The following POT1 variants were observed in gnomAD, a reference collection of about 807,000 sequenced individuals.
POT1 encodes protection of telomeres 1, also known as protection of telomeres protein 1.
In POT1, 47 loss-of-function variants were observed where a neutral mutation model predicts 78.5. The observed-to-expected ratio is 0.60, with a 90% confidence interval of 0.47 to 0.76. The LOEUF (loss-of-function observed/expected upper bound fraction) is 0.76, where lower values mean the gene tolerates loss of function less well. Among genes scored for constraint, POT1 ranks in the 30% least tolerant of loss-of-function variants. The pLI is 0.00. For missense variants in POT1, 646 were observed against 749.9 expected, an observed-to-expected ratio of 0.86 and a Z score of 1.62; for synonymous variants, 259 against 260.7, an observed-to-expected ratio of 0.99 and a Z score of 0.06.
At chr7:124,880,488 C>A (rs910236370) in intron 6 of POT1, among the ~76,000 whole-genome samples, 23 of 152,020 alleles carry the variant, frequency 1.5e-4, no homozygotes, top group African/African-American at 5.6e-4. Flanking sequence ...GATGAACTGA[C>A]AAAGCTCAGT....
At chr7:124,844,087 T>G (rs1196386121) in intron 12 of POT1, among the ~76,000 whole-genome samples, 2 of 151,860 alleles carry the variant, frequency 1.3e-5, no homozygotes, top group African/African-American at 4.8e-5. Context: ...GAGTGGAACA[T>G]TTATTACAGT....
chr7:124,824,129 T>A (rs1794574664), intron 18 of POT1, 55 bp from the exon 19 acceptor site: 4 of 1,100,218 alleles, frequency 3.6e-6, no homozygotes, highest in South Asian at 2.9e-5. Context: ...AATAAATAAC[T>A]CTGAAATAGG....
chr7:124,825,403 C>G (rs1794606537), intron 17 of POT1, 46 bp from the exon 18 acceptor site: 1 of 1,184,210 alleles, frequency 8.4e-7, no homozygotes, highest in Admixed American at 1.9e-5. Context: ...TAATATTAAT[C>G]CTTTTTAATG....
chr7:124,835,486 C>A (rs971315405), intron 14 of POT1, 72 bp from the exon 15 acceptor site: 3 of 1,472,010 alleles, frequency 2.0e-6, no homozygotes, highest in Non-Finnish European at 2.8e-6. Context: ...TATTAAATAA[C>A]GTGTGAGGTA....
At chr7:124,898,871 T>G (rs1166957921) in intron 3 of POT1, among the ~76,000 whole-genome samples, 1 of 152,180 alleles carries the variant, frequency 6.6e-6, no homozygotes, top group Non-Finnish European at 1.5e-5. Context: ...CTACTTAGGT[T>G]TGTAACAGTA....
At chr7:124,883,763 T>C (rs1452498723) in intron 6 of POT1, among the ~76,000 whole-genome samples, 6 of 152,100 alleles carry the variant, frequency 3.9e-5, no homozygotes, top group Admixed American at 3.9e-4. Flanking sequence ...CACATGTGTA[T>C]GACTGCAAAA....
At chr7:124,860,603 A>G (rs1795567389) in intron 8 of POT1, among the ~76,000 whole-genome samples, 1 of 152,124 alleles carries the variant, frequency 6.6e-6, no homozygotes, top group South Asian at 2.1e-4. Flanking sequence ...AAAGGCTTTT[A>G]CTAATTCTTT....
intron 3 of POT1, among the ~76,000 whole-genome samples, chr7:124,909,974 T>C (rs1216204246): frequency 6.6e-6 from 1 of 151,936 alleles, no homozygotes; most frequent in Non-Finnish European, 1.5e-5. Flanking sequence ...CAAGATATAT[T>C]AGGTAAAAAT....
At chr7:124,905,996 T>C (rs1422923081) in intron 3 of POT1, among the ~76,000 whole-genome samples, 1 of 152,150 alleles carries the variant, frequency 6.6e-6, no homozygotes, top group Non-Finnish European at 1.5e-5. Flanking sequence ...CAACAGGTGC[T>C]GGAGAGGATG....
intron 2 of POT1, among the ~76,000 whole-genome samples, chr7:124,922,728 A>G (rs933246007): frequency 1.3e-5 from 2 of 151,994 alleles, no homozygotes; most frequent in Non-Finnish European, 2.9e-5. Flanking sequence ...AGAACAAAAA[A>G]CAGGCAAAAC....
chr7:124,892,666 T>C (rs1020181319), intron 5 of POT1: 2 of 178,712 alleles, frequency 1.1e-5, no homozygotes, highest in African/African-American at 2.4e-5. Flanking sequence ...AAACAGCATA[T>C]ACATATAGTC....
At chr7:124,850,228 A>G (rs1341860645) in intron 11 of POT1, among the ~76,000 whole-genome samples, 1 of 152,168 alleles carries the variant, frequency 6.6e-6, no homozygotes, top group African/African-American at 2.4e-5. Context: ...AAATAAGGAG[A>G]GTTTTAAAAC....
At chr7:124,923,619 T>G (rs1372935617) in intron 2 of POT1, among the ~76,000 whole-genome samples, 4 of 151,590 alleles carry the variant, frequency 2.6e-5, no homozygotes, top group Admixed American at 2.0e-4. Context: ...AAGGAAATAA[T>G]CAATGAAAAC....
At chr7:124,916,946 A>C (rs1475185092) in intron 2 of POT1, among the ~76,000 whole-genome samples, 1 of 152,048 alleles carries the variant, frequency 6.6e-6, no homozygotes, top group African/African-American at 2.4e-5. Context: ...TTCAGAACAA[A>C]GGACTTAAAA....
At chr7:124,929,604 T>TA (rs1797358007) in intron 1 of POT1, 190 bp downstream of exon 1, 1 of 152,134 alleles carries the variant, frequency 6.6e-6, no homozygotes, top group South Asian at 2.1e-4. Flanking sequence ...GACTTGGACT[T>TA]AACTCCTGTC....
chr7:124,867,731 C>T (rs1472781709), intron 7 of POT1, among the ~76,000 whole-genome samples: 2 of 152,058 alleles, frequency 1.3e-5, no homozygotes, highest in African/African-American at 2.4e-5. Context: ...ACTGCAACCT[C>T]TGCCTCCCGG....
intron 6 of POT1, among the ~76,000 whole-genome samples, chr7:124,876,416 C>T (rs991132803): frequency 6.6e-6 from 1 of 151,926 alleles, no homozygotes; most frequent in Non-Finnish European, 1.5e-5. Flanking sequence ...CTGATATCTC[C>T]TAGAACTTAA....
intron 6 of POT1, among the ~76,000 whole-genome samples, chr7:124,873,366 T>A (rs1409301323): frequency 6.6e-6 from 1 of 152,178 alleles, no homozygotes; most frequent in Non-Finnish European, 1.5e-5. Flanking sequence ...ATTAAAATGA[T>A]CATATAATTT....
intron 6 of POT1, among the ~76,000 whole-genome samples, chr7:124,883,578 C>A (rs1347752775): frequency 6.6e-6 from 1 of 152,036 alleles, no homozygotes; most frequent in Non-Finnish European, 1.5e-5. Flanking sequence ...AGAGGACAAC[C>A]TTACGGTTCT....
Sources: gnomAD v4.1 joint callset for allele counts (sites outside exome capture counted in the v4.1 genomes callset) on GRCh38, gnomAD v4.1.1 for gene constraint, MANE v1.5 for transcripts, NCBI Gene and HGNC (gene_info 2026-07-23, HGNC 2026-07-21) for gene names.